Variants in SNTG1 observed in about 807,000 individuals in gnomAD.
SNTG1 encodes the protein gamma-1-syntrophin.
A neutral mutation model predicts 74.7 loss-of-function variants in SNTG1; 39 were observed. The ratio of observed to expected loss-of-function variants is 0.52; its 90% CI spans 0.40 to 0.68. The LOEUF is 0.68. Among genes scored for constraint, SNTG1 ranks in the 30% least tolerant of loss-of-function variants. The pLI, the probability that SNTG1 is intolerant of heterozygous loss-of-function variation, is 0.00. For synonymous variants in SNTG1, 254 were observed against 217.1 expected, an observed-to-expected ratio of 1.17 and a Z score of -1.49; for missense variants, 685 against 609.5, an observed-to-expected ratio of 1.12 and a Z score of -1.30.
intron 13 of SNTG1, among the ~76,000 whole-genome samples, chr8:50,614,742 C>T (rs1253154601): frequency 1.3e-5 from 2 of 151,820 alleles, no homozygotes; most frequent in Admixed American, 1.3e-4. Context: ...AATGAAATTT[C>T]AAAAAATAAA....
At chr8:50,025,565 G>A (rs1817195552) in intron 1 of SNTG1, among the ~76,000 whole-genome samples, 1 of 152,142 alleles carries the variant, frequency 6.6e-6, no homozygotes, top group African/African-American at 2.4e-5. Context: ...ATTTGAAGAA[G>A]ATAGATAGGG....
At chr8:50,720,367 A>G (rs899116785) in intron 17 of SNTG1, among the ~76,000 whole-genome samples, 1 of 152,182 alleles carries the variant, frequency 6.6e-6, no homozygotes, top group African/African-American at 2.4e-5. Flanking sequence ...TTGTATTACC[A>G]CAATATCTTC....
intron 2 of SNTG1, among the ~76,000 whole-genome samples, chr8:50,336,782 C>A (rs116856328): frequency 1.2e-4 from 19 of 152,052 alleles, no homozygotes; most frequent in Admixed American, 1.1e-3. Flanking sequence ...TTGCTGTGTG[C>A]TAGGCATGAG....
chr8:49,923,487 A>T (rs1392962289), intron 1 of SNTG1, among the ~76,000 whole-genome samples: 1 of 152,136 alleles, frequency 6.6e-6, no homozygotes, highest in Non-Finnish European at 1.5e-5. Flanking sequence ...CTCTTCCTTC[A>T]ATGTGTACTT....
chr8:50,019,722 T>A (rs1205774106), intron 1 of SNTG1, among the ~76,000 whole-genome samples: 1 of 151,978 alleles, frequency 6.6e-6, no homozygotes, highest in Non-Finnish European at 1.5e-5. Context: ...AAGGAAATGT[T>A]AAGAGTAGAG....
At chr8:49,958,270 G>A (rs925344191) in intron 1 of SNTG1, among the ~76,000 whole-genome samples, 2 of 152,140 alleles carry the variant, frequency 1.3e-5, no homozygotes, top group Non-Finnish European at 2.9e-5. Context: ...CAGCAGGGAG[G>A]CACATACCTG....
At chr8:50,539,560 C>T (rs73585157) in intron 11 of SNTG1, among the ~76,000 whole-genome samples, 1,666 of 152,222 alleles carry the variant, frequency 0.011, 30 homozygotes, top group African/African-American at 0.037. Flanking sequence ...CATTCCACTG[C>T]GGTGATGATG....
chr8:50,060,881 A>T (rs1820415178), intron 1 of SNTG1, among the ~76,000 whole-genome samples: 1 of 152,140 alleles, frequency 6.6e-6, no homozygotes, highest in African/African-American at 2.4e-5. Flanking sequence ...TTGCATGTCA[A>T]ACCAGCAATC....
At chr8:50,386,578 G>T (rs960849412) in intron 2 of SNTG1, among the ~76,000 whole-genome samples, 1 of 151,990 alleles carries the variant, frequency 6.6e-6, no homozygotes, top group Admixed American at 6.6e-5. Flanking sequence ...AAGAAAAGGG[G>T]CTTACTTTGA....
At chr8:50,746,944 A>T (rs996253856) in intron 17 of SNTG1, among the ~76,000 whole-genome samples, 2 of 150,306 alleles carry the variant, frequency 1.3e-5, no homozygotes, top group African/African-American at 4.9e-5. Flanking sequence ...GATGGGTTCA[A>T]TGTCATTATG....
intron 2 of SNTG1, among the ~76,000 whole-genome samples, chr8:50,364,726 A>G (rs1216071523): frequency 6.6e-6 from 1 of 152,054 alleles, no homozygotes; most frequent in Non-Finnish European, 1.5e-5. Flanking sequence ...ATTTTCATAA[A>G]AAATATTTAA....
At chr8:50,602,773 T>G (rs1312772933) in intron 13 of SNTG1, among the ~76,000 whole-genome samples, 1 of 152,200 alleles carries the variant, frequency 6.6e-6, no homozygotes, top group East Asian at 1.9e-4. Context: ...TTTCACTGGA[T>G]ATACTATTCT....
intron 1 of SNTG1, among the ~76,000 whole-genome samples, chr8:49,919,527 A>T (rs1394470421): frequency 6.6e-6 from 1 of 152,100 alleles, no homozygotes; most frequent in Non-Finnish European, 1.5e-5. Context: ...AAGTGGGCTC[A>T]TTGGCTTGTT....
chr8:50,341,937 A>G (rs1296357481), intron 2 of SNTG1, among the ~76,000 whole-genome samples: 1 of 152,002 alleles, frequency 6.6e-6, no homozygotes, highest in Non-Finnish European at 1.5e-5. Context: ...CCAAAACCAA[A>G]TTTTGTATGA....
chr8:50,796,351 T>C lies in SNTG1; in HGVS notation c.*3522T>C, dbSNP rs1051745901. ...AATTTCTCCTTATGAAATTGCTTTA[T>C]TCATACTTCTAAAATTGTTCTTTAT... On this transcript the variant is annotated 3_prime_UTR_variant, in exon 19 of 19. Transcript: ENST00000642720. 3 of 151,996 alleles carry C rather than the reference T, an allele frequency of 2.0e-5. No individual in the cohort carries two copies. Among genetic ancestry groups the C allele is most frequent in the African/African-American group, 7.2e-5 (3 of 41,454 alleles). The allele number at this position is 151,996 out of a possible 1,614,324, so 9.4% of individuals were successfully genotyped here. A position where few individuals can be genotyped will look rare whatever the true frequency, so the allele number is the denominator to read the frequency against.
intron 2 of SNTG1, among the ~76,000 whole-genome samples, chr8:50,174,613 T>C (rs2131671643): frequency 6.6e-6 from 1 of 152,362 alleles, no homozygotes; most frequent in African/African-American, 2.4e-5. Context: ...TCAAGTTATT[T>C]TTCATTGCTA....
At chr8:50,297,425 T>C (rs1485513648) in intron 2 of SNTG1, among the ~76,000 whole-genome samples, 1 of 152,186 alleles carries the variant, frequency 6.6e-6, no homozygotes, top group East Asian at 1.9e-4. Context: ...CACAATTTTT[T>C]TTCTTTTCCT....
chr8:50,672,105 T>C (rs1301112372), intron 15 of SNTG1, among the ~76,000 whole-genome samples: 1 of 149,534 alleles, frequency 6.7e-6, no homozygotes, highest in East Asian at 2.0e-4. Flanking sequence ...AATGACAAGT[T>C]AATGGGTGCA....
chr8:50,480,127 C>T (rs2093727913), intron 8 of SNTG1, among the ~76,000 whole-genome samples: 1 of 152,064 alleles, frequency 6.6e-6, no homozygotes. Flanking sequence ...GTTAAATCAT[C>T]AGTTTTAACA....
Sources: allele counts gnomAD v4.1 joint callset (sites outside exome capture counted in the v4.1 genomes callset), GRCh38; gene constraint gnomAD v4.1.1; transcripts MANE v1.5; gene names NCBI Gene and HGNC (gene_info 2026-07-23, HGNC 2026-07-21).